The following UGT2A1 variants were observed in gnomAD, a reference collection of about 807,000 sequenced individuals.
UGT2A1 encodes UDP glucuronosyltransferase family 2 member A1 complex locus.
A neutral mutation model predicts 45.4 loss-of-function variants in UGT2A1; 61 were observed. The observed-to-expected ratio is 1.34, with a 90% CI of 1.09 to 1.66. The LOEUF (loss-of-function observed/expected upper bound fraction) is 1.66, where lower values mean the gene tolerates loss of function less well. Among genes scored for constraint, UGT2A1 ranks in the 40% most tolerant of loss-of-function variants. The pLI, the probability that UGT2A1 is intolerant of heterozygous loss-of-function variation, is 0.00. For synonymous variants in UGT2A1, 229 were observed against 196.2 expected, an observed-to-expected ratio of 1.17 and a Z score of -1.40; for missense variants, 649 against 574.3, an observed-to-expected ratio of 1.13 and a Z score of -1.33.
intron 3 of UGT2A1, among the ~76,000 whole-genome samples, chr4:69,600,779 G>C (rs566344454): frequency 6.6e-6 from 1 of 150,804 alleles, no homozygotes; most frequent in African/African-American, 2.4e-5. Flanking sequence ...AGGAGCAAGA[G>C]AGAGAGTGAG....
At chr4:69,618,221 T>TTGTG (rs112693693) in intron 3 of UGT2A1, among the ~76,000 whole-genome samples, 52,633 of 144,394 alleles carry the variant, frequency 0.36, 10,131 homozygotes, top group East Asian at 0.6. Flanking sequence ...GTGTGTATGT[T>TTGTG]TGTGTGTGTG....
At chr4:69,649,917 G>A (rs765446284) in intron 1 of UGT2A1, among the ~76,000 whole-genome samples, 1 of 152,214 alleles carries the variant, frequency 6.6e-6, no homozygotes, top group Non-Finnish European at 1.5e-5. Context: ...TTAAGGGCCT[G>A]CATGTGCATG....
At chr4:69,613,387 T>C (rs1428168744) in intron 3 of UGT2A1, among the ~76,000 whole-genome samples, 3 of 151,984 alleles carry the variant, frequency 2.0e-5, no homozygotes, top group East Asian at 1.9e-4. Flanking sequence ...ACTTTCACTG[T>C]TGAATTCTAC....
intron 3 of UGT2A1, among the ~76,000 whole-genome samples, chr4:69,609,153 A>T (rs1719873322): frequency 1.4e-5 from 1 of 71,610 alleles, no homozygotes; most frequent in Non-Finnish European, 2.8e-5. Flanking sequence ...AGAATATATA[A>T]GATTTTTTTT....
chr4:69,594,785 T>C, intron 5 of UGT2A1, 89 bp from the exon 6 acceptor site: 3 of 1,429,472 alleles, frequency 2.1e-6, no homozygotes, highest in South Asian at 2.7e-5. Context: ...AGCTGTAATG[T>C]AACTCTCTAA....
intron 3 of UGT2A1, among the ~76,000 whole-genome samples, chr4:69,630,225 C>G (rs1419455581): frequency 6.6e-6 from 1 of 152,066 alleles, no homozygotes; most frequent in Non-Finnish European, 1.5e-5. Context: ...ATAGCTCCAT[C>G]TGCAGTTGGC....
intron 1 of UGT2A1, among the ~76,000 whole-genome samples, 153 bp downstream of exon 1, chr4:69,653,035 A>G (rs989000452): frequency 7.9e-5 from 12 of 152,238 alleles, no homozygotes; most frequent in Non-Finnish European, 1.5e-4. Context: ...CAAATTATAA[A>G]GTAGAACTAA....
intron 3 of UGT2A1, chr4:69,599,693 G>GAA: frequency 5.3e-6 from 1 of 188,846 alleles, no homozygotes; most frequent in Middle Eastern, 1.5e-3. Context: ...TAGAAATAAA[G>GAA]AAAGAGAGAG....
At chr4:69,596,679 G>T (rs1292088994) in intron 4 of UGT2A1, among the ~76,000 whole-genome samples, 2 of 152,088 alleles carry the variant, frequency 1.3e-5, no homozygotes, top group Admixed American at 6.5e-5. Flanking sequence ...ATGCCATCGT[G>T]TCTGGCTGAG....
At chr4:69,599,508 C>T (rs1577951050) in intron 3 of UGT2A1, 114 bp from the exon 4 acceptor site, 3 of 1,429,214 alleles carry the variant, frequency 2.1e-6, no homozygotes, top group Admixed American at 2.4e-5. Context: ...TGAATTAGGT[C>T]TTCTAGAATA....
At chr4:69,607,238 A>T (rs1400878596) in intron 3 of UGT2A1, among the ~76,000 whole-genome samples, 5 of 146,936 alleles carry the variant, frequency 3.4e-5, no homozygotes, top group Admixed American at 6.8e-5. Context: ...CCAATGGAAC[A>T]GAACAGAGCC....
At chr4:69,610,137 T>G (rs1284040209) in intron 3 of UGT2A1, among the ~76,000 whole-genome samples, 2 of 152,144 alleles carry the variant, frequency 1.3e-5, no homozygotes, top group African/African-American at 4.8e-5. Flanking sequence ...TGATATAGTT[T>G]CTAAAAGTGG....
chr4:69,650,689 G>A (rs1025434871), intron 1 of UGT2A1, among the ~76,000 whole-genome samples: 1 of 151,968 alleles, frequency 6.6e-6, no homozygotes, highest in East Asian at 1.9e-4. Flanking sequence ...TAAGCAACAA[G>A]TATATTACCT....
Position 69,647,584 on chromosome 4 carries a change from C to A in UGT2A1, c.61G>T (p.Gly21Trp). Residue 21 changes from glycine to tryptophan, a missense_variant, in exon 2 of 7, where the codon GGG (glycine) becomes TGG (tryptophan). Gly to Trp is a radical substitution (Grantham distance 184, BLOSUM62 -2). Coordinates refer to ENST00000286604, the MANE Select transcript of UGT2A1 (RefSeq NM_001252275.3). Reference protein sequence around the residue: ...QISLIGTTLGGNVLIWPMEGS... With the variant: ...QISLIGTTLGWNVLIWPMEGS... ...TCCATTGGCCAAATCAAAACATTCC[C>A]ACCAAGAGTGGTTCCTATGAGACTT... 2 of 1,610,028 alleles carry A rather than the reference C, an allele frequency of 1.2e-6. No individual in the cohort carries two copies. The highest frequency in any genetic ancestry group is 1.7e-6 in the Non-Finnish European group (2 of 1,177,986).
At chr4:69,619,513 A>G (rs190912403) in intron 3 of UGT2A1, among the ~76,000 whole-genome samples, 4 of 152,022 alleles carry the variant, frequency 2.6e-5, no homozygotes, top group Admixed American at 2.6e-4. Flanking sequence ...AAATTTTAAA[A>G]TAACGTTAAA....
rs1475046799 is a variant in UGT2A1 at position 69,639,037 on chromosome 4, C to T, written c.716-3215G>A. ...GTGAGCTCTGATAAGGCTGCCGGTA[C>T]ATAGGAGACTGGTGCTGGGATTTTC... On this transcript the variant is annotated intron_variant, in intron 2 of 6. Transcript: ENST00000286604. The T allele has an allele frequency of 1.9e-6, 3 of 1,613,270 alleles. No homozygotes were observed. Among genetic ancestry groups the T allele is most frequent in the Admixed American group, 3.3e-5 (2 of 59,890 alleles).
intron 2 of UGT2A1, among the ~76,000 whole-genome samples, chr4:69,642,239 C>A (rs1722078835): frequency 6.6e-6 from 1 of 151,810 alleles, no homozygotes; most frequent in Non-Finnish European, 1.5e-5. Flanking sequence ...ATCACTATCT[C>A]TGAGAATTTC....
chr4:69,644,843 C>T (rs1399186846), intron 2 of UGT2A1, among the ~76,000 whole-genome samples: 2 of 151,730 alleles, frequency 1.3e-5, no homozygotes, highest in Non-Finnish European at 3.0e-5. Context: ...GCTGTAGTAT[C>T]TCACATCCTC....
chr4:69,636,171 A>G (rs565765938), intron 2 of UGT2A1, among the ~76,000 whole-genome samples: 1 of 152,222 alleles, frequency 6.6e-6, no homozygotes, highest in African/African-American at 2.4e-5. Context: ...TTAACATATC[A>G]TTTCTCAAGT....
Sources: gnomAD v4.1 joint callset for allele counts (sites outside exome capture counted in the v4.1 genomes callset) on GRCh38, gnomAD v4.1.1 for gene constraint, MANE v1.5 for transcripts, NCBI Gene and HGNC (gene_info 2026-07-23, HGNC 2026-07-21) for gene names.